The following LRRC4C variants were observed in gnomAD, a reference collection of about 807,000 sequenced individuals.
The protein encoded by LRRC4C is leucine-rich repeat-containing protein 4C.
A neutral mutation model predicts 33.6 loss-of-function variants in LRRC4C; 5 were observed. The ratio of observed to expected loss-of-function variants is 0.15; its 90% CI spans 0.08 to 0.31. The LOEUF (loss-of-function observed/expected upper bound fraction) is 0.31. Among genes scored for constraint, LRRC4C ranks in the 10% least tolerant of loss-of-function variants. LRRC4C has a pLI of 1.00. For missense variants in LRRC4C, 560 were observed against 796.7 expected (o/e 0.70, Z 3.58); for synonymous variants, 329 against 302.0 (o/e 1.09, Z -0.93).
intron 2 of LRRC4C, among the ~76,000 whole-genome samples, chr11:40,873,094 C>T (rs1046033510): frequency 6.6e-6 from 1 of 152,082 alleles, no homozygotes; most frequent in Non-Finnish European, 1.5e-5. Context: ...CTGGTGAAGT[C>T]CTCATGTTTA....
At chr11:41,078,077 T>G (rs6485248) in intron 1 of LRRC4C, among the ~76,000 whole-genome samples, 147,765 of 152,182 alleles carry the variant, frequency 0.97, 71,911 homozygotes, top group East Asian at 1. Flanking sequence ...TTCCCAATAA[T>G]TTCCTCATCT....
Position 41,335,251 on chromosome 11 carries a change from A to C in LRRC4C, c.-496+124180T>G, listed in dbSNP as rs531809995. Among the ~76,000 whole-genome samples, 15 of 152,350 alleles carry C rather than the reference A, an allele frequency of 9.8e-5. No individual in the cohort carries two copies. In the South Asian group the frequency reaches 2.7e-3, roughly 27 times the overall value. Reference sequence around the variant, plus strand: ...AGTCAGACATGGTCTCTGTCCTTAGAAATTCCATTTCATTGGTAAAAGCAG... The same window carrying C: ...AGTCAGACATGGTCTCTGTCCTTAGCAATTCCATTTCATTGGTAAAAGCAG... On this transcript the variant is annotated intron_variant, in intron 1 of 6. Coordinates refer to ENST00000528697, the MANE Select transcript of LRRC4C (RefSeq NM_001258419.2).
At chr11:40,777,097 G>T (rs1268456430) in intron 2 of LRRC4C, among the ~76,000 whole-genome samples, 1 of 152,128 alleles carries the variant, frequency 6.6e-6, no homozygotes, top group East Asian at 1.9e-4. Context: ...GTATGGTTGG[G>T]ATGATTCAAT....
chr11:40,334,252 G>A (rs188827091), intron 3 of LRRC4C, among the ~76,000 whole-genome samples: 2 of 152,112 alleles, frequency 1.3e-5, no homozygotes, highest in Admixed American at 1.3e-4. Flanking sequence ...TGTGGTTACT[G>A]GGAACATTTG....
chr11:40,654,366 A>G (rs571625260), intron 2 of LRRC4C, among the ~76,000 whole-genome samples: 1 of 152,314 alleles, frequency 6.6e-6, no homozygotes, highest in South Asian at 2.1e-4. Context: ...ACAGGTGCAG[A>G]GCTGCCCAAG....
intron 1 of LRRC4C, among the ~76,000 whole-genome samples, chr11:41,340,580 T>C (rs1364370784): frequency 6.6e-6 from 1 of 152,176 alleles, no homozygotes; most frequent in Non-Finnish European, 1.5e-5. Flanking sequence ...TGGTGGGCTA[T>C]AGCATTTATG....
chr11:40,940,946 A>G (rs1017736100), intron 1 of LRRC4C, among the ~76,000 whole-genome samples: 1 of 146,944 alleles, frequency 6.8e-6, no homozygotes, highest in African/African-American at 2.5e-5. Context: ...TTTTTTGGAC[A>G]CTAGTTCTGA....
intron 1 of LRRC4C, among the ~76,000 whole-genome samples, chr11:41,195,032 A>T (rs985936793): frequency 1.3e-5 from 2 of 151,842 alleles, no homozygotes; most frequent in South Asian, 4.1e-4. Context: ...AAAAAAACTG[A>T]TGCTTTACTT....
At chr11:40,540,873 A>T (rs1956680092) in intron 3 of LRRC4C, among the ~76,000 whole-genome samples, 3 of 152,194 alleles carry the variant, frequency 2.0e-5, no homozygotes, top group Admixed American at 2.0e-4. Flanking sequence ...ACTGCACTAG[A>T]AGCCACGTAT....
chr11:40,293,358 C>G (rs899785323), intron 4 of LRRC4C: 2 of 152,004 alleles, frequency 1.3e-5, no homozygotes, highest in African/African-American at 4.8e-5. Flanking sequence ...CCCCCAGCAC[C>G]CGGTCCAGAT....
intron 2 of LRRC4C, among the ~76,000 whole-genome samples, chr11:40,775,696 A>T (rs1358406359): frequency 1.3e-5 from 2 of 152,172 alleles, no homozygotes; most frequent in Admixed American, 6.5e-5. Context: ...AGCGTTTTTA[A>T]GATACAAAAT....
chr11:40,691,340 C>A (rs1027620480), intron 2 of LRRC4C, among the ~76,000 whole-genome samples: 2 of 151,948 alleles, frequency 1.3e-5, no homozygotes, highest in African/African-American at 4.8e-5. Context: ...AGCAGGTTAT[C>A]CAAGCTTTTC....
intron 1 of LRRC4C, among the ~76,000 whole-genome samples, chr11:40,936,917 A>T (rs1049836480): frequency 6.6e-6 from 1 of 152,188 alleles, no homozygotes; most frequent in Non-Finnish European, 1.5e-5. Flanking sequence ...CAGCGTTCCA[A>T]GAAGGCAATC....
chr11:40,262,220 A>G (rs1004442966), intron 4 of LRRC4C, among the ~76,000 whole-genome samples: 1 of 152,210 alleles, frequency 6.6e-6, no homozygotes, highest in Non-Finnish European at 1.5e-5. Flanking sequence ...GGCAACAAAC[A>G]TGAAAAAAAA....
chr11:40,156,656 C>A (rs886387751), intron 5 of LRRC4C, among the ~76,000 whole-genome samples: 1 of 151,384 alleles, frequency 6.6e-6, no homozygotes, highest in African/African-American at 2.4e-5. Flanking sequence ...ACCCAAGCAA[C>A]CAAACAAACA....
chr11:40,359,850 A>C (rs1364204787), intron 3 of LRRC4C, among the ~76,000 whole-genome samples: 3 of 152,166 alleles, frequency 2.0e-5, no homozygotes, highest in Admixed American at 2.0e-4. Flanking sequence ...AGAATTTTTG[A>C]CTAGTAGCTT....
chr11:40,385,887 T>TAAATAAATAAATA lies in LRRC4C; in HGVS notation c.-269-66167_-269-66166insTATTTATTTATTT, dbSNP rs529477379. Among the ~76,000 whole-genome samples, 9 of 148,024 alleles carry TAAATAAATAAATA rather than the reference T, an allele frequency of 6.1e-5. No individual in the cohort carries two copies. In the South Asian group the frequency reaches 1.5e-3, roughly 24 times the overall value. On this transcript the variant is annotated intron_variant, in intron 3 of 6. Transcript: ENST00000528697. ...TCAAATAAATAAATAAATAAATAAA[T>TAAATAAATAAATA]AAATAAAATAAAATAAAATAAAAAA...
rs1424086371 is a variant in LRRC4C, at chr11:40,221,789, C to T, written c.-96+19730G>A. On this transcript the variant is annotated intron_variant, in intron 5 of 6. Transcript: ENST00000528697. The stretch of plus-strand genomic sequence containing the variant: ...TCCTGTTTTGTTCCCATCTAATTAC[C>T]GGTGCATGCAGCCCCCAGTCACGTA... Among the ~76,000 whole-genome samples the T allele has an allele frequency of 4.6e-5, 7 of 152,084 alleles. No homozygotes were observed. In the South Asian group the frequency reaches 1.2e-3, roughly 27 times the overall value.
At chr11:41,227,597 T>A (rs1022079778) in intron 1 of LRRC4C, among the ~76,000 whole-genome samples, 7 of 152,110 alleles carry the variant, frequency 4.6e-5, no homozygotes, top group African/African-American at 7.2e-5. Flanking sequence ...ACTCCTAGAC[T>A]CAAGGGATCC....
Sources: allele counts gnomAD v4.1 joint callset (sites outside exome capture counted in the v4.1 genomes callset), GRCh38; gene constraint gnomAD v4.1.1; transcripts MANE v1.5; gene names NCBI Gene and HGNC (gene_info 2026-07-23, HGNC 2026-07-21).